Variants in MAGI2 observed in about 807,000 individuals in gnomAD.
The protein encoded by MAGI2 is membrane-associated guanylate kinase, WW and PDZ domain-containing protein 2.
MAGI2 carries 35 observed loss-of-function variants against 133.3 expected under a neutral mutation model. The observed-to-expected ratio is 0.26, with a 90% confidence interval of 0.20 to 0.35. The LOEUF (loss-of-function observed/expected upper bound fraction) is 0.35. Among genes scored for constraint, MAGI2 ranks in the 10% least tolerant of loss-of-function variants. The probability of loss-of-function intolerance (pLI) is 1.00; values close to 1 mark genes in which losing one functional copy is unlikely to be tolerated. For missense variants in MAGI2, 1,636 were observed against 1,863.4 expected (o/e 0.88, Z 2.25); for synonymous variants, 729 against 710.6 (o/e 1.03, Z -0.41).
At chr7:78,449,939 G>A (rs1214497667) in intron 6 of MAGI2, among the ~76,000 whole-genome samples, 1 of 152,014 alleles carries the variant, frequency 6.6e-6, no homozygotes, top group African/African-American at 2.4e-5. Context: ...ACAGGCTTTC[G>A]ATAACACTGT....
At chr7:78,769,411 T>C (rs537996754) in intron 2 of MAGI2, among the ~76,000 whole-genome samples, 3 of 152,106 alleles carry the variant, frequency 2.0e-5, no homozygotes, top group Admixed American at 1.3e-4. Context: ...TCTACCCTTT[T>C]AAAAATGGAA....
chr7:78,171,488 T>C (rs369243705), intron 14 of MAGI2, among the ~76,000 whole-genome samples: 12 of 152,150 alleles, frequency 7.9e-5, no homozygotes, highest in African/African-American at 2.9e-4. Flanking sequence ...TCCCAGGAGT[T>C]GAATGCTGCT....
chr7:78,906,630 TCA>T (rs1313071015), intron 2 of MAGI2, among the ~76,000 whole-genome samples: 1 of 152,202 alleles, frequency 6.6e-6, no homozygotes, highest in Non-Finnish European at 1.5e-5. Flanking sequence ...ACATTTTCAT[TCA>T]CACATTCTCC....
At chr7:79,186,853 A>G (rs1045942071) in intron 1 of MAGI2, among the ~76,000 whole-genome samples, 2 of 149,596 alleles carry the variant, frequency 1.3e-5, no homozygotes, top group African/African-American at 2.4e-5. Context: ...ACGACTTAAT[A>G]TATCACCTGG....
chr7:79,050,947 C>T (rs1340588636), intron 1 of MAGI2, among the ~76,000 whole-genome samples: 1 of 152,104 alleles, frequency 6.6e-6, no homozygotes, highest in African/African-American at 2.4e-5. Flanking sequence ...ATAAAAAACT[C>T]GGAAAAGAGT....
chr7:78,151,959 A>C (rs1441954410), intron 16 of MAGI2, among the ~76,000 whole-genome samples: 3 of 152,216 alleles, frequency 2.0e-5, no homozygotes, highest in Non-Finnish European at 2.9e-5. Flanking sequence ...ATCCTTGAAA[A>C]AAACCTATCA....
chr7:79,236,970 A>G (rs1476409839), intron 1 of MAGI2, among the ~76,000 whole-genome samples: 3 of 152,160 alleles, frequency 2.0e-5, no homozygotes, highest in Non-Finnish European at 2.9e-5. Flanking sequence ...GCTTGAGCTC[A>G]GGAGCTTGAG....
intron 2 of MAGI2, among the ~76,000 whole-genome samples, chr7:78,628,593 T>A (rs1808625143): frequency 6.6e-6 from 1 of 151,910 alleles, no homozygotes; most frequent in African/African-American, 2.4e-5. Flanking sequence ...TTTTTTAAGA[T>A]TTGAAGTTAT....
At chr7:78,269,826 A>T (rs1794389016) in intron 9 of MAGI2, among the ~76,000 whole-genome samples, 2 of 152,274 alleles carry the variant, frequency 1.3e-5, no homozygotes, top group South Asian at 4.2e-4. Context: ...TGTTTTAGTC[A>T]TAAAGTCTTT....
chr7:78,633,192 G>A (rs1367226732), intron 2 of MAGI2, among the ~76,000 whole-genome samples: 1 of 152,178 alleles, frequency 6.6e-6, no homozygotes, highest in Non-Finnish European at 1.5e-5. Context: ...GCTAAATGGT[G>A]AGAACTTAGG....
At chr7:79,058,574 C>T (rs1045719489) in intron 1 of MAGI2, among the ~76,000 whole-genome samples, 1 of 152,070 alleles carries the variant, frequency 6.6e-6, no homozygotes, top group Non-Finnish European at 1.5e-5. Flanking sequence ...CCATATTACA[C>T]ATTTTACCAA....
chr7:78,883,370 A>C (rs1796025433), intron 2 of MAGI2, among the ~76,000 whole-genome samples: 1 of 152,234 alleles, frequency 6.6e-6, no homozygotes, highest in African/African-American at 2.4e-5. Context: ...TGATGAAAGA[A>C]ATCAGAGATA....
At chr7:79,452,996 C>T (rs1433276560) in intron 1 of MAGI2, 24 bp downstream of exon 1, 1 of 1,531,852 alleles carries the variant, frequency 6.5e-7, no homozygotes, top group Non-Finnish European at 8.8e-7. Flanking sequence ...CCCGGCAAAA[C>T]ACTGAGCAAG....
At chr7:78,272,272 C>T (rs1335878925) in intron 9 of MAGI2, among the ~76,000 whole-genome samples, 5 of 152,140 alleles carry the variant, frequency 3.3e-5, no homozygotes, top group Non-Finnish European at 5.9e-5. Context: ...TTTCTTAATC[C>T]TGAGTTCTAA....
intron 21 of MAGI2, among the ~76,000 whole-genome samples, chr7:78,042,154 T>A (rs1051718206): frequency 1.3e-5 from 2 of 152,182 alleles, no homozygotes; most frequent in African/African-American, 2.4e-5. Context: ...CTTCCTTGAT[T>A]AATAAAGGAA....
chr7:79,041,183 A>C (rs1471515662), intron 1 of MAGI2, among the ~76,000 whole-genome samples: 1 of 152,142 alleles, frequency 6.6e-6, no homozygotes, highest in Non-Finnish European at 1.5e-5. Context: ...AGAGATAAAC[A>C]ATCTTTTTCT....
chr7:78,396,033 C>T (rs2151327174), intron 6 of MAGI2, among the ~76,000 whole-genome samples: 1 of 152,196 alleles, frequency 6.6e-6, no homozygotes, highest in African/African-American at 2.4e-5. Context: ...GTTAAATCTC[C>T]AGCTCTAGCC....
chr7:78,304,457 T>G (rs992952779), intron 9 of MAGI2, among the ~76,000 whole-genome samples: 5 of 152,188 alleles, frequency 3.3e-5, no homozygotes, highest in African/African-American at 1.2e-4. Flanking sequence ...TAGAAAGACC[T>G]TTCCCAGTCT....
intron 2 of MAGI2, among the ~76,000 whole-genome samples, chr7:78,843,343 T>C (rs979726578): frequency 5.3e-5 from 8 of 151,922 alleles, no homozygotes; most frequent in Non-Finnish European, 7.4e-5. Flanking sequence ...TGAGATCTGT[T>C]GTCTTTATGT....
Sources: allele counts gnomAD v4.1 joint callset (sites outside exome capture counted in the v4.1 genomes callset), GRCh38; gene constraint gnomAD v4.1.1; transcripts MANE v1.5; gene names NCBI Gene and HGNC (gene_info 2026-07-23, HGNC 2026-07-21).